Variants in NBPF8 observed in about 807,000 individuals in gnomAD.
NBPF8 encodes NBPF member 8.
At chr1:120,421,112 C>G (rs1660561866) in intron 1 of NBPF8, among the ~76,000 whole-genome samples, 1 of 151,550 alleles carries the variant, frequency 6.6e-6, no homozygotes, top group Non-Finnish European at 1.5e-5. Context: ...TGTCTCATCT[C>G]ATTCTTTTGG....
chr1:120,421,592 C>A (rs1660579568), intron 1 of NBPF8, among the ~76,000 whole-genome samples: 1 of 145,174 alleles, frequency 6.9e-6, no homozygotes, highest in South Asian at 2.2e-4. Flanking sequence ...TTTTCTTTGT[C>A]TCTCATGCTC....
chr1:120,455,104 T>C (rs1259782789), intron 15 of NBPF8, among the ~76,000 whole-genome samples: 1 of 150,124 alleles, frequency 6.7e-6, no homozygotes, highest in Admixed American at 6.7e-5. Flanking sequence ...AGCAACACTC[T>C]TAGAAAATTG....
upstream of NBPF8, chr1:120,432,227 A>AC (rs1407796116): frequency 6.8e-5 from 9 of 131,892 alleles, no homozygotes; most frequent in African/African-American, 2.7e-4. Context: ...GTTTCTTCAG[A>AC]CCCCCAATAA....
At chr1:120,419,094 G>T (rs1248932307), upstream of NBPF8, among the ~76,000 whole-genome samples, 101 of 152,166 alleles carry the variant, frequency 6.6e-4, 1 homozygote, top group Middle Eastern at 6.8e-3. Flanking sequence ...ATGAATGAAT[G>T]AATGAACATA....
At position 120,460,497 on chromosome 1, in the gene NBPF8, G is replaced by A. The variant is rs1476892604; in HGVS notation, n.2785-76G>A. On this transcript the variant is annotated intron_variant and non_coding_transcript_variant, in intron 17 of 24. Coordinates refer to ENST00000583271, the Ensembl canonical transcript of NBPF8. ...GACAAGACTGATGTCCCTGTGTTAG[G>A]ATTGGACAGAGGAATGTTTCTGTGT... 1.0e-5 allele frequency: 9 copies of A among 860,476 alleles called. No homozygotes were observed. The Admixed American group carries it at 1.5e-4, about 15-fold the overall frequency. 53.3% of individuals were successfully genotyped at this position (860,476 alleles called of 1,614,324 possible).
intron 20 of NBPF8, 122 bp from the exon 19 acceptor site, chr1:120,462,672 T>G: frequency 3.7e-6 from 1 of 273,428 alleles, no homozygotes; most frequent in East Asian, 9.3e-5. Flanking sequence ...ATTCATTACC[T>G]CATTAATGGA....
intron 16 of NBPF8, among the ~76,000 whole-genome samples, chr1:120,456,321 G>C (rs1420356708): frequency 6.7e-6 from 1 of 150,354 alleles, no homozygotes; most frequent in African/African-American, 2.5e-5. Context: ...GGATATCCTT[G>C]TTAAGCTTCT....
At chr1:120,427,916 C>G (rs2101531147) in intron 3 of NBPF8, among the ~76,000 whole-genome samples, 69 bp downstream of exon 3, 1 of 151,470 alleles carries the variant, frequency 6.6e-6, no homozygotes, top group African/African-American at 2.4e-5. Context: ...AGAGATGGGT[C>G]CTTTATTTTT....
intron 11 of NBPF8, among the ~76,000 whole-genome samples, chr1:120,450,256 T>A (rs1180012932): frequency 6.6e-6 from 1 of 151,834 alleles, no homozygotes; most frequent in Non-Finnish European, 1.5e-5. Context: ...TAAATAAAAA[T>A]AAGAATAAAA....
At chr1:120,460,340 C>G (rs1159612158) in intron 17 of NBPF8, among the ~76,000 whole-genome samples, 2 of 152,056 alleles carry the variant, frequency 1.3e-5, no homozygotes, top group Non-Finnish European at 2.9e-5. Context: ...TAGGACAGAG[C>G]ACATAGGGAA....
At chr1:120,467,712 C>T (rs1270459875) in exon 25 of NBPF8, 1 of 151,816 alleles carries the variant, frequency 6.6e-6, no homozygotes, top group East Asian at 1.9e-4. Flanking sequence ...TAATTTTAAT[C>T]TATACAATTA....
intron 1 of NBPF8, among the ~76,000 whole-genome samples, chr1:120,421,397 C>T (rs1660572365): frequency 6.6e-6 from 1 of 151,160 alleles, no homozygotes; most frequent in Admixed American, 6.6e-5. Context: ...ACTTCTCTCC[C>T]ACTCTTTTTC....
At chr1:120,453,401 C>G in exon 14 of NBPF8, 2 of 887,486 alleles carry the variant, frequency 2.3e-6, no homozygotes, top group South Asian at 2.6e-5. Context: ...TGAAGATGTT[C>G]AAGTTGAGGT....
chr1:120,468,667 A>AGAT (rs1314802741), downstream of NBPF8, among the ~76,000 whole-genome samples: 21 of 145,964 alleles, frequency 1.4e-4, no homozygotes, highest in Admixed American at 1.4e-3. Flanking sequence ...TGCATTTCCA[A>AGAT]GATTGGCACC....
chr1:120,461,016 C>CTGTGTGTGTGTGTGTG (rs202089337), intron 18 of NBPF8, among the ~76,000 whole-genome samples: 13 of 131,206 alleles, frequency 9.9e-5, no homozygotes, highest in African/African-American at 1.7e-4. Flanking sequence ...TGAGCTCGAA[C>CTGTGTGTGTGTGTGTG]TGTGTGTGTG....
upstream of NBPF8, among the ~76,000 whole-genome samples, chr1:120,435,740 C>T (rs1432376979): frequency 5.3e-5 from 8 of 151,282 alleles, no homozygotes; most frequent in South Asian, 8.4e-4. Flanking sequence ...GTGGCGGGCG[C>T]CTGTATTCCC....
chr1:120,418,697 T>G (rs1660492157), upstream of NBPF8, among the ~76,000 whole-genome samples: 1 of 82,810 alleles, frequency 1.2e-5, no homozygotes, highest in South Asian at 3.1e-4. Context: ...TCTACAGGCA[T>G]GCACCACTAT....
intron 1 of NBPF8, among the ~76,000 whole-genome samples, chr1:120,425,562 C>T (rs1413184748): frequency 6.6e-6 from 1 of 152,198 alleles, no homozygotes; most frequent in Non-Finnish European, 1.5e-5. Flanking sequence ...TAAGGGAACT[C>T]AGAGGCCAGT....
chr1:120,422,558 G>T (rs61807930), intron 1 of NBPF8, among the ~76,000 whole-genome samples: 16 of 127,026 alleles, frequency 1.3e-4, no homozygotes, highest in Non-Finnish European at 2.1e-4. Context: ...TTCATGACTT[G>T]ACAGCTTGTT....
Sources: allele counts gnomAD v4.1 joint callset (sites outside exome capture counted in the v4.1 genomes callset), GRCh38; gene constraint gnomAD v4.1.1; transcripts MANE v1.5; gene names NCBI Gene and HGNC (gene_info 2026-07-23, HGNC 2026-07-21).